The following GTF2A1L variants were observed in gnomAD, a reference collection of about 807,000 sequenced individuals.
The protein encoded by GTF2A1L is general transcription factor IIA subunit 1 like, also known as TFIIA-alpha and beta-like factor.
GTF2A1L carries 48 observed loss-of-function variants against 49.7 expected under a neutral mutation model. The observed-to-expected ratio is 0.97, with a 90% CI of 0.77 to 1.23. The LOEUF (loss-of-function observed/expected upper bound fraction) is 1.23. Ranked by LOEUF, GTF2A1L falls within the 50% of genes most tolerant of loss-of-function variation. The probability of loss-of-function intolerance (pLI) is 0.00; values close to 1 mark genes in which losing one functional copy is unlikely to be tolerated. For missense variants in GTF2A1L, 736 were observed against 564.8 expected, an observed-to-expected ratio of 1.30 and a Z score of -3.07; for synonymous variants, 246 against 193.5, an observed-to-expected ratio of 1.27 and a Z score of -2.25.
At chr2:48,665,373 T>A (rs1160003905) in intron 6 of GTF2A1L, among the ~76,000 whole-genome samples, 1 of 151,842 alleles carries the variant, frequency 6.6e-6, no homozygotes, top group Non-Finnish European at 1.5e-5. Flanking sequence ...TTTGGACTTA[T>A]TTTGGCCTTC....
rs79289804 is a variant in GTF2A1L at position 48,629,610 on chromosome 2, A to G, written c.247+8320A>G. Among the ~76,000 whole-genome samples the G allele has an allele frequency of 8.4e-3, 1,205 of 144,272 alleles. 89 individuals are homozygous for G. The highest frequency in any genetic ancestry group is 0.028 in the African/African-American group (1,132 of 40,658). The allele number at this position is 144,272 out of a possible 152,430, so 94.6% of individuals were successfully genotyped here. On this transcript the variant is annotated intron_variant, in intron 3 of 8. Transcript: ENST00000403751. The stretch of plus-strand genomic sequence containing the variant: ...TAATTAGATACTAGCATACAGTTAG[A>G]TAGATGTGAAGGGAGTATATGCGGT...
At chr2:48,619,208 C>A (rs1184865125) in intron 1 of GTF2A1L, among the ~76,000 whole-genome samples, 2 of 152,092 alleles carry the variant, frequency 1.3e-5, no homozygotes, top group Non-Finnish European at 2.9e-5. Context: ...GTGGCTTACA[C>A]CTGTAATCCC....
chr2:48,644,151 A>G lies in GTF2A1L; in HGVS notation c.304-882A>G, dbSNP rs531661139. ...GCACCACTGCTCTTCAGCCTGGGCA[A>G]CAGAATGAAACCCTGTCTCTTAAAA... On this transcript the variant is annotated intron_variant, in intron 4 of 8. Transcript: ENST00000403751. 1.6e-4 allele frequency among the ~76,000 whole-genome samples: 24 copies of G among 152,300 alleles called. No individual in the cohort carries two copies. In the East Asian group the frequency reaches 1.9e-3, roughly 12 times the overall value.
At chr2:48,666,843 T>A (rs1051722501) in intron 6 of GTF2A1L, among the ~76,000 whole-genome samples, 3 of 152,160 alleles carry the variant, frequency 2.0e-5, no homozygotes, top group Admixed American at 6.5e-5. Context: ...GTTCATGGAT[T>A]TTTTTCCACT....
intron 5 of GTF2A1L, 137 bp from the exon 6 acceptor site, chr2:48,646,316 C>A: frequency 1.5e-6 from 1 of 674,310 alleles, no homozygotes; most frequent in Non-Finnish European, 2.3e-6. Context: ...AGAAAAACCC[C>A]TAGAGATAAC....
rs1250849587 is a variant in GTF2A1L, at chr2:48,663,704, G to A, written c.979-6018G>A. ...TGCTCAGGCTGGAGTGCAGTGGCAG[G>A]TCATAGCTCACTGCAGCCCTGATCT... On this transcript the variant is annotated intron_variant, in intron 6 of 8. Transcript: ENST00000403751. Among the ~76,000 whole-genome samples, 3 of 152,026 alleles carry A rather than the reference G, an allele frequency of 2.0e-5. No homozygotes were observed. In the East Asian group the frequency reaches 5.8e-4, roughly 29 times the overall value.
At chr2:48,625,375 A>G (rs937167066) in intron 3 of GTF2A1L, among the ~76,000 whole-genome samples, 6 of 144,028 alleles carry the variant, frequency 4.2e-5, no homozygotes, top group African/African-American at 1.2e-4. Flanking sequence ...AAAAAGATCT[A>G]TTCAAGTCCT....
chr2:48,666,709 A>G (rs146650060), intron 6 of GTF2A1L, among the ~76,000 whole-genome samples: 244 of 152,002 alleles, frequency 1.6e-3, no homozygotes, highest in African/African-American at 5.8e-3. Flanking sequence ...ACCCCTTCAC[A>G]TGAAATTTTT....
At chr2:48,665,292 T>TG (rs1427562112) in intron 6 of GTF2A1L, among the ~76,000 whole-genome samples, 1 of 151,656 alleles carries the variant, frequency 6.6e-6, no homozygotes, top group African/African-American at 2.4e-5. Context: ...CTCTCTTTTT[T>TG]TTTTTTTTTG....
intron 6 of GTF2A1L, among the ~76,000 whole-genome samples, chr2:48,655,713 A>G (rs990629070): frequency 6.6e-6 from 1 of 152,140 alleles, no homozygotes; most frequent in Non-Finnish European, 1.5e-5. Flanking sequence ...TTATTTTTAA[A>G]TTATTTTTAC....
rs938961419 is a variant in GTF2A1L, at chr2:48,629,975, T to A, written c.247+8685T>A. On this transcript the variant is annotated intron_variant, in intron 3 of 8. Transcript: ENST00000403751. ...TTCTCTATTCTGTTTCATTGTTCTA[T>A]GTTTATGTTTTTGTACTGTTGCTAT... 2.1e-5 allele frequency among the ~76,000 whole-genome samples: 3 copies of A among 144,186 alleles called. 1 individual carries two copies. The highest frequency in any genetic ancestry group is 2.3e-4 in the South Asian group (1 of 4,272). The allele number at this position is 144,186 out of a possible 152,430, so 94.6% of individuals were successfully genotyped here.
chr2:48,659,865 T>C (rs1300568307), intron 6 of GTF2A1L, among the ~76,000 whole-genome samples: 7 of 152,180 alleles, frequency 4.6e-5, no homozygotes, highest in African/African-American at 9.6e-5. Flanking sequence ...CAGTTTGTTT[T>C]TGTGTGTCTG....
rs1679640868 is a variant in GTF2A1L, at chr2:48,679,322, T to C, written c.1330-13T>C. On this transcript the variant is annotated splice_polypyrimidine_tract_variant and intron_variant, in intron 8 of 8. Transcript: ENST00000403751. ...GTAAAATTAATTAATGTAAACTACT[T>C]TTCTCCCTCCAGATTCATCGAAGCA... 8 of 1,603,590 alleles carry C rather than the reference T, an allele frequency of 5.0e-6. No homozygotes were observed. The East Asian group carries it at 1.8e-4, about 36-fold the overall frequency.
chr2:48,637,199 T>C (rs898916971), intron 3 of GTF2A1L, among the ~76,000 whole-genome samples: 2 of 152,220 alleles, frequency 1.3e-5, no homozygotes, highest in African/African-American at 4.8e-5. Flanking sequence ...TCCTGAATCA[T>C]GTAATTTTAT....
chr2:48,623,723 T>C (rs1558697772), intron 3 of GTF2A1L, among the ~76,000 whole-genome samples: 1 of 152,198 alleles, frequency 6.6e-6, no homozygotes, highest in Admixed American at 6.5e-5. Flanking sequence ...TGGAATACTA[T>C]GCAACCTTAA....
intron 6 of GTF2A1L, among the ~76,000 whole-genome samples, chr2:48,653,920 C>CAAAAAAAAAAAAAAAAA: frequency 9.2e-6 from 1 of 108,680 alleles, no homozygotes; most frequent in Non-Finnish European, 1.8e-5. Flanking sequence ...GACTGTGTCT[C>CAAAAAAAAAAAAAAAAA]AAAAAAAAAA....
At chr2:48,642,179 A>T (rs1038737319) in intron 3 of GTF2A1L, among the ~76,000 whole-genome samples, 1 of 152,128 alleles carries the variant, frequency 6.6e-6, no homozygotes, top group African/African-American at 2.4e-5. Flanking sequence ...ACAATGAGAT[A>T]TTTTCTTTCA....
intron 8 of GTF2A1L, among the ~76,000 whole-genome samples, chr2:48,674,581 G>A (rs1002117046): frequency 2.6e-5 from 4 of 151,998 alleles, no homozygotes; most frequent in Non-Finnish European, 4.4e-5. Context: ...ACAGTTCTTA[G>A]TTTGAAACTT....
intron 3 of GTF2A1L, among the ~76,000 whole-genome samples, chr2:48,633,660 G>C (rs1676711315): frequency 1.3e-5 from 2 of 152,144 alleles, no homozygotes; most frequent in Admixed American, 6.5e-5. Flanking sequence ...GGTCCAATTG[G>C]TCAAGTTTAA....
Sources: allele counts gnomAD v4.1 joint callset (sites outside exome capture counted in the v4.1 genomes callset), GRCh38; gene constraint gnomAD v4.1.1; transcripts MANE v1.5; gene names NCBI Gene and HGNC (gene_info 2026-07-23, HGNC 2026-07-21).